The following SIPA1L3 variants were observed in gnomAD, a reference collection of about 807,000 sequenced individuals.
The protein encoded by SIPA1L3 is signal-induced proliferation-associated 1-like protein 3.
Under a neutral mutation model 150.1 loss-of-function variants are expected in SIPA1L3, and 59 were observed. The ratio of observed to expected loss-of-function variants is 0.39; its 90% confidence interval spans 0.32 to 0.49. The LOEUF (loss-of-function observed/expected upper bound fraction) is 0.49. Ranked by LOEUF, SIPA1L3 falls within the 20% of genes least tolerant of loss-of-function variation. The probability of loss-of-function intolerance (pLI) is 0.86; values close to 1 mark genes in which losing one functional copy is unlikely to be tolerated. For synonymous variants in SIPA1L3, 1,070 were observed against 1,077.6 expected, an observed-to-expected ratio of 0.99 and a Z score of 0.14; for missense variants, 2,211 against 2,489.5, an observed-to-expected ratio of 0.89 and a Z score of 2.38.
chr19:38,088,188 C>G (rs978406969), intron 3 of SIPA1L3, among the ~76,000 whole-genome samples: 1 of 152,216 alleles, frequency 6.6e-6, no homozygotes, highest in African/African-American at 2.4e-5. Flanking sequence ...AAGGCTGGGT[C>G]CACCTTTAAC....
rs1190194546 is a variant in SIPA1L3 at position 38,082,114 on chromosome 19, C to T, written c.549C>T (p.Asp183=). The change falls in exon 3 of 22, where the codon GAC becomes GAT. Residue 183 remains aspartate, a synonymous_variant. Coordinates refer to ENST00000222345, the MANE Select transcript of SIPA1L3 (RefSeq NM_015073.3). ...CCCTCAGCGAGTGTGACGCGGAGGA[C>T]GCGGGGGAGCCGCGGGGGGCCCGGC... ...EITLSECDAE[D]AGEPRGARHT... 1.2e-6 allele frequency: 2 copies of T among 1,607,784 alleles called. No individual in the cohort carries two copies. The highest frequency in any genetic ancestry group is 1.1e-5 in the South Asian group (1 of 90,992).
rs1190334133 is a variant in SIPA1L3, at chr19:38,166,237, T to G, written c.4208+1331T>G. Among the ~76,000 whole-genome samples, 4 of 151,644 alleles carry G rather than the reference T, an allele frequency of 2.6e-5. No homozygotes were observed. In the South Asian group the frequency reaches 8.4e-4, roughly 32 times the overall value. On this transcript the variant is annotated intron_variant, in intron 15 of 21. Coordinates refer to ENST00000222345, the MANE Select transcript of SIPA1L3 (RefSeq NM_015073.3). ...TTGGGAGGCCAAGGCGGGTGGATCA[T>G]GAGGTCAGGAGATCCAGACTGTCCT...
chr19:38,176,719 C>T (rs1972442325), intron 15 of SIPA1L3, among the ~76,000 whole-genome samples: 1 of 152,184 alleles, frequency 6.6e-6, no homozygotes, highest in Non-Finnish European at 1.5e-5. Context: ...CACCTGTAAT[C>T]CCAGCACTTT....
At chr19:37,956,421 G>A (rs1044446702) in intron 1 of SIPA1L3, among the ~76,000 whole-genome samples, 1 of 150,762 alleles carries the variant, frequency 6.6e-6, no homozygotes, top group Non-Finnish European at 1.5e-5. Flanking sequence ...TATGTAGTTT[G>A]CAAATATTTT....
intron 15 of SIPA1L3, among the ~76,000 whole-genome samples, chr19:38,176,328 A>C (rs942261335): frequency 1.3e-5 from 2 of 150,422 alleles, no homozygotes; most frequent in East Asian, 2.0e-4. Context: ...CTTACTTTTT[A>C]CCCTGTGCCA....
chr19:37,966,604 GT>G (rs1176240052), intron 1 of SIPA1L3, among the ~76,000 whole-genome samples: 1 of 152,094 alleles, frequency 6.6e-6, no homozygotes, highest in Admixed American at 6.6e-5. Flanking sequence ...ACTGGATCCT[GT>G]CCTGCCAGCC....
At chr19:37,970,435 A>G (rs1311683599) in intron 1 of SIPA1L3, among the ~76,000 whole-genome samples, 1 of 152,226 alleles carries the variant, frequency 6.6e-6, no homozygotes, top group Non-Finnish European at 1.5e-5. Flanking sequence ...ATACTTGGTT[A>G]TTGGACTACC....
chr19:38,027,227 G>T (rs1454202909), intron 1 of SIPA1L3, among the ~76,000 whole-genome samples: 5 of 152,168 alleles, frequency 3.3e-5, no homozygotes, highest in African/African-American at 1.2e-4. Flanking sequence ...GGCAGAGGTT[G>T]CAGTGAGCCA....
At chr19:38,197,293 C>T (rs1243134704) in intron 18 of SIPA1L3, among the ~76,000 whole-genome samples, 1 of 152,138 alleles carries the variant, frequency 6.6e-6, no homozygotes, top group East Asian at 1.9e-4. Context: ...TGGCTGTCCT[C>T]TGTCCCCTTC....
chr19:38,182,970 A>G (rs1972593975), intron 16 of SIPA1L3: 1 of 507,814 alleles, frequency 2.0e-6, no homozygotes, highest in Non-Finnish European at 3.5e-6. Context: ...AGCACGCAAT[A>G]GGTCAATGGT....
At chr19:38,074,061 T>G (rs1969781187) in intron 2 of SIPA1L3, among the ~76,000 whole-genome samples, 1 of 152,216 alleles carries the variant, frequency 6.6e-6, no homozygotes, top group Non-Finnish European at 1.5e-5. Context: ...ATGCTGTGCT[T>G]CTCTCATCAC....
chr19:38,005,801 A>G (rs1430604958), intron 1 of SIPA1L3, among the ~76,000 whole-genome samples: 1 of 152,248 alleles, frequency 6.6e-6, no homozygotes, highest in Non-Finnish European at 1.5e-5. Flanking sequence ...GAATCCTGGC[A>G]CTGTGGGAGG....
At chr19:37,931,959 T>A (rs2046557813) in intron 1 of SIPA1L3, among the ~76,000 whole-genome samples, 1 of 152,196 alleles carries the variant, frequency 6.6e-6, no homozygotes. Context: ...AGAGAATTCA[T>A]ATGTAGCACT....
chr19:37,937,434 A>T (rs2046610144), intron 1 of SIPA1L3, among the ~76,000 whole-genome samples: 1 of 152,006 alleles, frequency 6.6e-6, no homozygotes, highest in African/African-American at 2.4e-5. Context: ...TAAAAGAATG[A>T]TTTTTGAACT....
intron 2 of SIPA1L3, among the ~76,000 whole-genome samples, chr19:38,063,306 G>T (rs551393219): frequency 6.6e-6 from 1 of 151,586 alleles, no homozygotes; most frequent in East Asian, 2.0e-4. Flanking sequence ...GCCTTCCCAC[G>T]GCAGGGAGCC....
intron 1 of SIPA1L3, among the ~76,000 whole-genome samples, chr19:37,973,880 C>G (rs183596505): frequency 1.2e-3 from 179 of 152,242 alleles, no homozygotes; most frequent in African/African-American, 3.9e-3. Flanking sequence ...TATTGGAACT[C>G]TTGATTCTAT....
intron 10 of SIPA1L3, 126 bp from the exon 11 acceptor site, chr19:38,141,057 CA>C (rs551813100): frequency 0.15 from 58,452 of 392,500 alleles, 15 homozygotes; most frequent in East Asian, 0.16. Context: ...GACTCTGTCT[CA>C]AAAAAAAAAA....
chr19:37,983,285 A>G (rs1967246416), intron 1 of SIPA1L3, among the ~76,000 whole-genome samples: 2 of 152,304 alleles, frequency 1.3e-5, no homozygotes, highest in African/African-American at 4.8e-5. Context: ...ACGTGCTGGG[A>G]GTTGAAATCC....
chr19:38,207,831 A>C lies in SIPA1L3; in HGVS notation c.*1591A>C. Reference sequence around the variant, plus strand: ...GGTTCTTATCGCGTCTCCTGTGATCAGCCTCTGGCCCCCTGGAGGAGGAAA... The same window carrying C: ...GGTTCTTATCGCGTCTCCTGTGATCCGCCTCTGGCCCCCTGGAGGAGGAAA... On this transcript the variant is annotated 3_prime_UTR_variant, in exon 22 of 22. Transcript: ENST00000222345. 6.5e-6 allele frequency: 1 copy of C among 152,706 alleles called. No homozygotes were observed. The highest frequency in any genetic ancestry group is 1.5e-5 in the Non-Finnish European group (1 of 68,102). 9.5% of individuals were successfully genotyped at this position (152,706 alleles called of 1,614,324 possible).
Sources: allele counts gnomAD v4.1 joint callset (sites outside exome capture counted in the v4.1 genomes callset), GRCh38; gene constraint gnomAD v4.1.1; transcripts MANE v1.5; gene names NCBI Gene and HGNC (gene_info 2026-07-23, HGNC 2026-07-21).